The following CD93 variants were observed in gnomAD, a reference collection of about 807,000 sequenced individuals.
CD93 encodes complement component C1q receptor.
Under a neutral mutation model 45.5 loss-of-function variants are expected in CD93, and 44 were observed. The observed-to-expected ratio is 0.97, with a 90% CI of 0.76 to 1.24. The LOEUF (loss-of-function observed/expected upper bound fraction) is 1.24. Ranked by LOEUF, CD93 falls within the 50% of genes most tolerant of loss-of-function variation. The pLI, the probability that CD93 is intolerant of heterozygous loss-of-function variation, is 0.00. For missense variants in CD93, 918 were observed against 844.5 expected (o/e 1.09, Z -1.08); for synonymous variants, 431 against 370.8 (o/e 1.16, Z -1.87).
rs774373350 is a variant in CD93 at position 23,084,722 on chromosome 20, C to G, written c.1471G>C (p.Gly491Arg). 1 of 1,599,552 alleles carries G rather than the reference C, an allele frequency of 6.3e-7. No homozygotes were observed. Among genetic ancestry groups the G allele is most frequent in the Non-Finnish European group, 8.5e-7 (1 of 1,173,672 alleles). ...PDEEDKGEKE[G>R]STVPRAATAS... ...GTTGCAGCACGGGGCACGGTGCTCC[C>G]TTCTTTCTCTCCTTTGTCCTCCTCA... Residue 491 changes from glycine to arginine, a missense_variant, in exon 1 of 2, where the codon GGG (glycine) becomes CGG (arginine). Transcript: ENST00000246006.
chr20:23,085,277 A>G lies in CD93; in HGVS notation c.916T>C (p.Cys306Arg). 1 of 1,613,868 alleles carries G rather than the reference A, an allele frequency of 6.2e-7. No homozygotes were observed. Among genetic ancestry groups the G allele is most frequent in the Non-Finnish European group, 8.5e-7 (1 of 1,179,994 alleles). ...CCCCCACGACATGGGCTGGAGCTGC[A>G]AGGGTTTCGAGAGGCACAGGTCACC... is the stretch of plus-strand genomic sequence containing the variant. ...DLVTCASRNP[C>R]SSSPCRGGAT... is the part of the protein sequence containing the mutation. The change falls in exon 1 of 2, where the codon TGC (cysteine) becomes CGC (arginine). Residue 306 changes from cysteine to arginine, a missense_variant. Cys to Arg is a radical substitution (Grantham distance 180, BLOSUM62 -3). Coordinates refer to ENST00000246006, the MANE Select transcript of CD93 (RefSeq NM_012072.4).
rs367615886 is a variant in CD93 at position 23,085,245 on chromosome 20, C to A, written c.948G>T (p.Thr316=). Residue 316 remains threonine (T), a synonymous_variant, in exon 1 of 2, where the codon ACG becomes ACT. Coordinates refer to ENST00000246006, the MANE Select transcript of CD93 (RefSeq NM_012072.4). ...CSSSPCRGGA[T]CVLGPHGKNY... is the part of the protein sequence containing the mutation. ...TTTTCCCATGGGGTCCCAGGACGCA[C>A]GTGGCCCCCCCACGACATGGGCTGG... 3.1e-6 allele frequency: 5 copies of A among 1,611,982 alleles called. No homozygotes were observed. Among genetic ancestry groups the A allele is most frequent in the Non-Finnish European group, 4.2e-6 (5 of 1,179,042 alleles).
rs6036304 is a variant in CD93, at chr20:23,082,793, C to T, written c.*1157G>A. The T allele has an allele frequency of 2.6e-5, 4 of 152,674 alleles. No individual in the cohort carries two copies. The highest frequency in any genetic ancestry group is 1.3e-4 in the Admixed American group (2 of 15,308). The allele number at this position is 152,674 out of a possible 1,614,324, so 9.5% of individuals were successfully genotyped here. On this transcript the variant is annotated 3_prime_UTR_variant, in exon 2 of 2. Transcript: ENST00000246006. ...AACAAAAGTTCCTTAAGCAAACTGC[C>T]TGACTAGCTCCCTACTTGGTGTGTG...
chr20:23,083,797 G>T lies in CD93; in HGVS notation c.*153C>A. On this transcript the variant is annotated 3_prime_UTR_variant, in exon 2 of 2. Coordinates refer to ENST00000246006, the MANE Select transcript of CD93 (RefSeq NM_012072.4). Reference sequence around the variant, plus strand: ...AAACACCCGTAGAAAATACCTGCATGTTCCAAGGGGCCTTTAAGGAGGAGA... The same window carrying T: ...AAACACCCGTAGAAAATACCTGCATTTTCCAAGGGGCCTTTAAGGAGGAGA... The T allele has an allele frequency of 1.4e-6, 1 of 729,958 alleles. No homozygotes were observed. Among genetic ancestry groups the T allele is most frequent in the Non-Finnish European group, 2.5e-6 (1 of 402,092 alleles). The allele number at this position is 729,958 out of a possible 1,614,324, so 45.2% of individuals were successfully genotyped here.
At position 23,084,901 on chromosome 20, in the gene CD93, C is replaced by T; in HGVS notation, c.1292G>A (p.Cys431Tyr). Reference sequence around the variant, plus strand: ...GCAGAGGGGGCCCCCCGGGCCCACACACTCATCCACGTCCTGGCACTGAGT... The same window carrying T: ...GCAGAGGGGGCCCCCCGGGCCCACATACTCATCCACGTCCTGGCACTGAGT... The part of the protein sequence containing the change: ...DGTQCQDVDE[C>Y]VGPGGPLCDS... Residue 431 changes from cysteine (C) to tyrosine (Y), a missense_variant, in exon 1 of 2, where the codon TGT (cysteine) becomes TAT (tyrosine). Transcript: ENST00000246006. 6.2e-7 allele frequency: 1 copy of T among 1,613,104 alleles called. No homozygotes were observed. The highest frequency in any genetic ancestry group is 8.5e-7 in the Non-Finnish European group (1 of 1,179,836).
At position 23,085,682 on chromosome 20, in the gene CD93, G is replaced by C. The variant is rs764676382; in HGVS notation, c.511C>G (p.Pro171Ala). 15 of 1,610,604 alleles carry C rather than the reference G, an allele frequency of 9.3e-6. No homozygotes were observed. In the South Asian group the frequency reaches 1.2e-4, roughly 13 times the overall value. The change falls in exon 1 of 2, where the codon CCC (proline) becomes GCC (alanine). Residue 171 changes from proline to alanine, a missense_variant. By Grantham distance (27) the Pro-to-Ala change is conservative (BLOSUM62 -1). Transcript: ENST00000246006. ...ACGAAGCCCTCAATGTTACTTCCGG[G>C]GGAGCCTGGGCTCCCACAGGGGCCC... is the stretch of plus-strand genomic sequence containing the variant. ...SEGPCGSPGSPGSNIEGFVCK... is the reference protein window; with the variant it reads ...SEGPCGSPGSAGSNIEGFVCK...
rs1461672652 is a variant in CD93, at chr20:23,084,362, C to A, written c.1831G>T (p.Ala611Ser). ...TTCTCCTTCTTCTCCTCCCTCTTCG[C>A]TCTCCGCTTGCGATAGACCAGTAGC... Reference protein sequence around the residue: ...LGLLVYRKRRAKREEKKEKKP... With the variant: ...LGLLVYRKRRSKREEKKEKKP... The change falls in exon 1 of 2, where the codon GCG becomes TCG. Residue 611 changes from alanine (A) to serine (S), a missense_variant. Transcript: ENST00000246006. 6.2e-7 allele frequency: 1 copy of A among 1,614,260 alleles called. No homozygotes were observed. Among genetic ancestry groups the A allele is most frequent in the Non-Finnish European group, 8.5e-7 (1 of 1,180,050 alleles).
rs1985418999 is a variant in CD93, at chr20:23,084,579, A to C, written c.1614T>G (p.Ser538Arg). The C allele has an allele frequency of 1.9e-6, 3 of 1,612,068 alleles. No homozygotes were observed. Among genetic ancestry groups the C allele is most frequent in the Non-Finnish European group, 1.7e-6 (2 of 1,178,796 alleles). Residue 538 changes from serine to arginine, a missense_variant, in exon 1 of 2, where the codon AGT (serine) becomes AGG (arginine). Physicochemically the swap from Ser to Arg is moderately radical, Grantham distance 110. Coordinates refer to ENST00000246006, the MANE Select transcript of CD93 (RefSeq NM_012072.4). The stretch of plus-strand genomic sequence containing the variant: ...GCTCCCTCCAGACGCCTGGGGACCC[A>C]CTGGGGGCCAGCATCTTGAGTGGGG... ...TSAPLKMLAP[S>R]GSPGVWREPS...
intron 1 of CD93, 46 bp from the exon 2 acceptor site, chr20:23,084,020 T>G (rs369232482): frequency 1.2e-5 from 20 of 1,610,434 alleles, no homozygotes; most frequent in African/African-American, 6.7e-5. Context: ...GGCGCCTCTG[T>G]GCCTGCACGT....
Position 23,084,271 on chromosome 20 carries a change from T to C in CD93, c.1922A>G (p.Glu641Gly), listed in dbSNP as rs144986131. Residue 641 changes from glutamate to glycine, a missense_variant, in exon 1 of 2, where the codon GAG becomes GGG. Glu to Gly is a moderately conservative substitution (Grantham distance 98, BLOSUM62 -2). Coordinates refer to ENST00000246006, the MANE Select transcript of CD93 (RefSeq NM_012072.4). ...GGGCCCCCTTTACCTGTACTGGTTC[T>C]CCATGGCCCTGCTCTCAGCTCGCTC... The part of the protein sequence containing the change: ...VPERAESRAM[E>G]NQYSPTPGTD... 3 of 1,613,750 alleles carry C rather than the reference T, an allele frequency of 1.9e-6. No homozygotes were observed. Among genetic ancestry groups the C allele is most frequent in the Non-Finnish European group, 2.5e-6 (3 of 1,179,992 alleles).
At position 23,085,443 on chromosome 20, in the gene CD93, C is replaced by T. The variant is rs1403822993; in HGVS notation, c.750G>A (p.Trp250Ter). 3 of 1,613,748 alleles carry T rather than the reference C, an allele frequency of 1.9e-6. No individual in the cohort carries two copies. The Admixed American group carries it at 5.0e-5, about 27-fold the overall frequency. ...CKEKAPDVFD[W>*]GSSGPLCVSP... ...TGACACAGAGGGGGCCCGAGCTGCCCCAGTCGAACACATCGGGGGCCTTCT... is the reference window on the plus strand; with the variant it reads ...TGACACAGAGGGGGCCCGAGCTGCCTCAGTCGAACACATCGGGGGCCTTCT... Residue 250 changes from tryptophan to a stop codon, truncating the protein, a stop_gained, in exon 1 of 2, where the codon TGG (tryptophan) becomes TGA (stop). Transcript: ENST00000246006. LOFTEE classifies it high-confidence loss of function.
At position 23,085,156 on chromosome 20, in the gene CD93, A is replaced by C. The variant is rs1365574467; in HGVS notation, c.1037T>G (p.Val346Gly). The C allele has an allele frequency of 1.3e-6, 2 of 1,579,062 alleles. No homozygotes were observed. The highest frequency in any genetic ancestry group is 2.2e-5 in the East Asian group (1 of 44,524). Residue 346 changes from valine to glycine, a missense_variant, in exon 1 of 2, where the codon GTG becomes GGG. Val to Gly is a moderately radical substitution (Grantham distance 109, BLOSUM62 -3). Coordinates refer to ENST00000246006, the MANE Select transcript of CD93 (RefSeq NM_012072.4). ...LDSSQLDCVD[V>G]DECQDSPCAQ... is the part of the protein sequence containing the mutation. The stretch of plus-strand genomic sequence containing the variant: ...ACAGGGGGAGTCCTGGCATTCATCC[A>C]CGTCCACACAGTCCAGCTGACTCGA...
chr20:23,085,191 G>T lies in CD93; in HGVS notation c.1002C>A (p.Tyr334Ter). The change falls in exon 1 of 2, where the codon TAC becomes TAA. Residue 334 changes from tyrosine (Y) to a stop codon, truncating the protein, a stop_gained. Transcript: ENST00000246006. LOFTEE classifies it high-confidence loss of function. ...AGTCCAGCTGACTCGAGTCCAGCTGGTACCCTTGGGGGCAGCGGCACGTGT... is the reference window on the plus strand; with the variant it reads ...AGTCCAGCTGACTCGAGTCCAGCTGTTACCCTTGGGGGCAGCGGCACGTGT... ...KNYTCRCPQG[Y>*]QLDSSQLDCV... 6.3e-7 allele frequency: 1 copy of T among 1,591,092 alleles called. No individual in the cohort carries two copies. Among genetic ancestry groups the T allele is most frequent in the Non-Finnish European group, 8.6e-7 (1 of 1,168,050 alleles).
rs562718188 is a variant in CD93, at chr20:23,085,590, G to A, written c.603C>T (p.Tyr201=). ...LALGGPGQVT[Y]TTPFQTTSSS... is the part of the protein sequence containing the mutation. Reference sequence around the variant, plus strand: ...AACTGGTGGTCTGGAAGGGGGTGGTGTAGGTCACCTGACCTGGGCCCCCCA... The same window carrying A: ...AACTGGTGGTCTGGAAGGGGGTGGTATAGGTCACCTGACCTGGGCCCCCCA... The change falls in exon 1 of 2, where the codon TAC becomes TAT. Residue 201 remains tyrosine (Y), a synonymous_variant. Coordinates refer to ENST00000246006, the MANE Select transcript of CD93 (RefSeq NM_012072.4). 1.2e-6 allele frequency: 2 copies of A among 1,613,776 alleles called. No homozygotes were observed. The highest frequency in any genetic ancestry group is 2.2e-5 in the East Asian group (1 of 44,862).
At position 23,083,951 on chromosome 20, in the gene CD93, C is replaced by T; in HGVS notation, c.1958G>A (p.Ter653=). The stretch of plus-strand genomic sequence containing the variant: ...AGTGTCTCTAGGGCCACCTCACTTT[C>T]AGCAGTCTGTCCCAGGTGTCGGACT... ...QYSPTPGTDC[*] The change falls in exon 2 of 2, where the codon TGA becomes TAA. Residue 653 remains the stop codon, a stop_retained_variant. Coordinates refer to ENST00000246006, the MANE Select transcript of CD93 (RefSeq NM_012072.4). The T allele has an allele frequency of 6.2e-7, 1 of 1,614,100 alleles. No homozygotes were observed. Among genetic ancestry groups the T allele is most frequent in the Non-Finnish European group, 8.5e-7 (1 of 1,179,956 alleles).
Position 23,080,345 on chromosome 20 carries a change from T to C in CD93, c.*3605A>G, listed in dbSNP as rs143002408. ...CAAAAGTACCTAATGATCATCTCCA[T>C]CCATCGAAAGATTGCTCAGGGATAA... On this transcript the variant is annotated 3_prime_UTR_variant, in exon 2 of 2. Transcript: ENST00000246006. 6.4e-4 allele frequency: 97 copies of C among 152,674 alleles called. 1 individual carries two copies. Among genetic ancestry groups the C allele is most frequent in the African/African-American group, 2.3e-3 (95 of 41,524 alleles). The allele number at this position is 152,674 out of a possible 1,614,324, so 9.5% of individuals were successfully genotyped here.
At chr20:23,084,138 G>A in intron 1 of CD93, 121 bp downstream of exon 1, 1 of 1,422,618 alleles carries the variant, frequency 7.0e-7, no homozygotes, top group Non-Finnish European at 9.9e-7. Context: ...TCAGCTGCAA[G>A]GACCAGGGTG....
At position 23,085,650 on chromosome 20, in the gene CD93, C is replaced by G; in HGVS notation, c.543G>C (p.Lys181Asn). 6.2e-7 allele frequency: 1 copy of G among 1,611,930 alleles called. No individual in the cohort carries two copies. Residue 181 changes from lysine (K) to asparagine (N), a missense_variant, in exon 1 of 2, where the codon AAG (lysine) becomes AAC (asparagine). Transcript: ENST00000246006. ...PGSNIEGFVCKFSFKGMCRPL... is the reference protein window; with the variant it reads ...PGSNIEGFVCNFSFKGMCRPL... ...GCCGGCACATGCCTTTGAAGCTGAA[C>G]TTGCACACGAAGCCCTCAATGTTAC...
At position 23,084,784 on chromosome 20, in the gene CD93, C is replaced by T. The variant is rs146243229; in HGVS notation, c.1409G>A (p.Gly470Glu). ...LAPNGVSCTM[G>E]PVSLGPPSGP... Reference sequence around the variant, plus strand: ...AGATGGTGGTCCCAGAGACACAGGCCCCATGGTGCAAGAGACCCCATTTGG... The same window carrying T: ...AGATGGTGGTCCCAGAGACACAGGCTCCATGGTGCAAGAGACCCCATTTGG... Residue 470 changes from glycine (G) to glutamate (E), a missense_variant, in exon 1 of 2, where the codon GGG (glycine) becomes GAG (glutamate). Coordinates refer to ENST00000246006, the MANE Select transcript of CD93 (RefSeq NM_012072.4). 6.9e-5 allele frequency: 111 copies of T among 1,612,988 alleles called. No individual in the cohort carries two copies. In the African/African-American group the frequency reaches 1.2e-3, roughly 18 times the overall value.
Sources: allele counts gnomAD v4.1 joint callset, GRCh38; gene constraint gnomAD v4.1.1; transcripts MANE v1.5; gene names NCBI Gene and HGNC (gene_info 2026-07-23, HGNC 2026-07-21).